Variants in PAAF1 observed in about 807,000 individuals in gnomAD.
PAAF1 encodes proteasomal ATPase associated factor 1.
Under a neutral mutation model 52.8 loss-of-function variants are expected in PAAF1, and 46 were observed. That is an observed-to-expected ratio of 0.87 (90% CI 0.69 to 1.11). PAAF1 has a LOEUF of 1.11. Ranked by LOEUF, PAAF1 falls within the 50% of genes most tolerant of loss-of-function variation. The pLI is 0.00. For synonymous variants in PAAF1, 178 were observed against 172.8 expected (o/e 1.03, Z -0.24); for missense variants, 424 against 477.4 (o/e 0.89, Z 1.04).
chr11:73,926,752 G>C (rs139740653), intron 11 of PAAF1, among the ~76,000 whole-genome samples: 1 of 152,196 alleles, frequency 6.6e-6, no homozygotes, highest in East Asian at 1.9e-4. Context: ...TCCATATTTT[G>C]AATCAACACA....
At chr11:73,921,598 A>G in intron 10 of PAAF1, 3 of 631,156 alleles carry the variant, frequency 4.8e-6, no homozygotes, top group Non-Finnish European at 9.2e-6. Flanking sequence ...AAAGATTCGT[A>G]TATCTTGCTG....
intron 10 of PAAF1, among the ~76,000 whole-genome samples, chr11:73,922,523 G>C (rs1306072505): frequency 6.6e-6 from 1 of 152,126 alleles, no homozygotes; most frequent in African/African-American, 2.4e-5. Context: ...TACTGGTTTA[G>C]AAGTTGGATA....
In PAAF1 at chr11:73,908,397, A is replaced by G. The variant is rs545283695; in HGVS notation, c.533-1002A>G. On this transcript the variant is annotated intron_variant, in intron 6 of 11. Transcript: ENST00000310571. ...TGTATATATATGTGTGTATATATAT[A>G]TGTGTATATATATGTGTGTATATAT... 5.5e-4 allele frequency among the ~76,000 whole-genome samples: 78 copies of G among 142,256 alleles called. 1 individual carries two copies. Among genetic ancestry groups the G allele is most frequent in the African/African-American group, 1.7e-3 (62 of 36,880 alleles). 93.3% of individuals were successfully genotyped at this position (142,256 alleles called of 152,430 possible). A position where few individuals can be genotyped will look rare whatever the true frequency, so the allele number is the denominator to read the frequency against.
intron 3 of PAAF1, among the ~76,000 whole-genome samples, 161 bp from the exon 4 acceptor site, chr11:73,890,951 A>G (rs1199226069): frequency 2.0e-5 from 3 of 152,164 alleles, no homozygotes; most frequent in Admixed American, 6.5e-5. Context: ...CTGCTGATCT[A>G]TGGGGGAGGG....
chr11:73,930,453 C>T lies in PAAF1; in HGVS notation c.*3091C>T, dbSNP rs1950441704. ...TCTGAAACATTTGAACTCATAGAAG[C>T]AGTGAGTGGAAGAACCAGCGTGGTG... On this transcript the variant is annotated 3_prime_UTR_variant, in exon 12 of 12. Transcript: ENST00000310571. The T allele has an allele frequency of 6.6e-6, 1 of 151,382 alleles. No individual in the cohort carries two copies. Among genetic ancestry groups the T allele is most frequent in the Admixed American group, 6.6e-5 (1 of 15,158 alleles). The allele number at this position is 151,382 out of a possible 1,614,324, so 9.4% of individuals were successfully genotyped here.
At chr11:73,919,076 A>C in intron 10 of PAAF1, 44 bp downstream of exon 10, 1 of 1,517,070 alleles carries the variant, frequency 6.6e-7, no homozygotes, top group Non-Finnish European at 9.1e-7. Flanking sequence ...TCTGTAGTTC[A>C]GTTAATTAAA....
rs753274099 is a variant in PAAF1 at position 73,919,050 on chromosome 11, T to C, written c.1018+18T>C. ...TAGCCAAGGTGGGTCCATGGGCCAA[T>C]TGAGAGAGATGCTTCTCTGTAGTTC... On this transcript the variant is annotated intron_variant, in intron 10 of 11. Coordinates refer to ENST00000310571, the MANE Select transcript of PAAF1 (RefSeq NM_025155.3). 6 of 1,586,416 alleles carry C rather than the reference T, an allele frequency of 3.8e-6. No homozygotes were observed. The highest frequency in any genetic ancestry group is 1.7e-5 in the Admixed American group (1 of 57,410).
At chr11:73,916,482 C>A in intron 8 of PAAF1, 63 bp from the exon 9 acceptor site, 1 of 1,055,196 alleles carries the variant, frequency 9.5e-7, no homozygotes, top group South Asian at 1.7e-5. Context: ...TTTTTTGGTG[C>A]CTGTTTATTC....
chr11:73,889,327 C>T (rs1395548724), intron 3 of PAAF1: 4 of 830,970 alleles, frequency 4.8e-6, no homozygotes, highest in Non-Finnish European at 6.7e-6. Flanking sequence ...ACATTGTTCT[C>T]TTAAACAGTA....
chr11:73,923,701 A>G (rs1294384132), intron 10 of PAAF1, among the ~76,000 whole-genome samples: 1 of 152,098 alleles, frequency 6.6e-6, no homozygotes, highest in African/African-American at 2.4e-5. Context: ...ATGCTCGGCT[A>G]ATTTTTTTTG....
intron 1 of PAAF1, among the ~76,000 whole-genome samples, chr11:73,877,492 C>G (rs1371020104): frequency 1.3e-5 from 2 of 152,174 alleles, no homozygotes; most frequent in South Asian, 2.1e-4. Flanking sequence ...CTGGACGATA[C>G]TATTAAGGAA....
chr11:73,924,821 G>C, intron 11 of PAAF1, 124 bp downstream of exon 11: 1 of 724,376 alleles, frequency 1.4e-6, no homozygotes, highest in Non-Finnish European at 2.3e-6. Flanking sequence ...TGTATAAGCA[G>C]TGTGGTAGGA....
chr11:73,885,691 A>G (rs1406146429), intron 2 of PAAF1, among the ~76,000 whole-genome samples: 3 of 151,402 alleles, frequency 2.0e-5, no homozygotes, highest in African/African-American at 4.9e-5. Flanking sequence ...AAAATACAAA[A>G]ATTAGCCAGG....
At chr11:73,899,687 C>T (rs541019776) in intron 5 of PAAF1, among the ~76,000 whole-genome samples, 2 of 152,286 alleles carry the variant, frequency 1.3e-5, no homozygotes, top group South Asian at 4.1e-4. Context: ...GCTGGGATTA[C>T]AGGTGTGAGC....
At position 73,899,194 on chromosome 11, in the gene PAAF1, A is replaced by T; in HGVS notation, c.331A>T (p.Ser111Cys). ...SSRGGLGVSS[S>C]TDGTMKIWQA... ...CAGAGGAGGTCTTGGTGTGTCTTCT[A>T]GTACTGACGGGACCATGAAAATCTG... The change falls in exon 5 of 12, where the codon AGT (serine) becomes TGT (cysteine). Residue 111 changes from serine (S) to cysteine (C), a missense_variant. Physicochemically the swap from Ser to Cys is moderately radical, Grantham distance 112. Transcript: ENST00000310571. 1.2e-6 allele frequency: 2 copies of T among 1,614,088 alleles called. No homozygotes were observed. Among genetic ancestry groups the T allele is most frequent in the Non-Finnish European group, 1.7e-6 (2 of 1,180,008 alleles).
chr11:73,906,451 A>C (rs1484080277), intron 6 of PAAF1, among the ~76,000 whole-genome samples: 1 of 152,114 alleles, frequency 6.6e-6, no homozygotes, highest in African/African-American at 2.4e-5. Context: ...GGGTTTCGCT[A>C]CGTTGGCCAG....
At position 73,899,263 on chromosome 11, in the gene PAAF1, C is replaced by T; in HGVS notation, c.381+19C>T. 6.3e-7 allele frequency: 1 copy of T among 1,591,434 alleles called. No individual in the cohort carries two copies. Among genetic ancestry groups the T allele is most frequent in the East Asian group, 2.2e-5 (1 of 44,742 alleles). ...ACTCAGGGTAAAGGATTTGGATGTA[C>T]TTTTAGGTCTTAAACACAAAGGGTG... is the stretch of plus-strand genomic sequence containing the variant. On this transcript the variant is annotated intron_variant, in intron 5 of 11. Transcript: ENST00000310571.
intron 6 of PAAF1, among the ~76,000 whole-genome samples, chr11:73,906,638 T>C (rs1375110618): frequency 1.3e-5 from 2 of 152,232 alleles, no homozygotes; most frequent in African/African-American, 4.8e-5. Context: ...TAATGATATT[T>C]TCTCACACAG....
rs1950437507 is a variant in PAAF1 at position 73,930,159 on chromosome 11, AG to A, written c.*2799del. The A allele has an allele frequency of 6.6e-6, 1 of 151,194 alleles. No homozygotes were observed. Among genetic ancestry groups the A allele is most frequent in the Non-Finnish European group, 1.5e-5 (1 of 68,038 alleles). The allele number at this position is 151,194 out of a possible 1,614,324, so 9.4% of individuals were successfully genotyped here. On this transcript the variant is annotated 3_prime_UTR_variant, in exon 12 of 12. Transcript: ENST00000310571. Reference sequence around the variant, plus strand: ...GCCGAGGCGGGCGGATCACAAGGTAAGGAGATTGAGACCATCCTGGCTAACA... The same window carrying A: ...GCCGAGGCGGGCGGATCACAAGGTAAGAGATTGAGACCATCCTGGCTAACA...
Sources: gnomAD v4.1 joint callset for allele counts (sites outside exome capture counted in the v4.1 genomes callset) on GRCh38, gnomAD v4.1.1 for gene constraint, MANE v1.5 for transcripts, NCBI Gene and HGNC (gene_info 2026-07-23, HGNC 2026-07-21) for gene names.